The following DPP10 variants were observed in gnomAD, a reference collection of about 807,000 sequenced individuals.
DPP10 encodes the protein dipeptidyl peptidase like 10, also known as inactive dipeptidyl peptidase 10.
A neutral mutation model predicts 120.9 loss-of-function variants in DPP10; 33 were observed. The ratio of observed to expected loss-of-function variants is 0.27; its 90% CI spans 0.21 to 0.37. The LOEUF (loss-of-function observed/expected upper bound fraction) is 0.37. Ranked by LOEUF, DPP10 falls within the 10% of genes least tolerant of loss-of-function variation. The pLI is 1.00. For synonymous variants in DPP10, 337 were observed against 326.1 expected (o/e 1.03, Z -0.36); for missense variants, 816 against 942.8 (o/e 0.87, Z 1.76).
intron 1 of DPP10, among the ~76,000 whole-genome samples, chr2:115,147,550 A>G (rs148643490): frequency 6.6e-6 from 1 of 152,254 alleles, no homozygotes; most frequent in African/African-American, 2.4e-5. Flanking sequence ...TGCCTGATTC[A>G]CATTATACTT....
At chr2:114,890,571 A>T (rs909008972) in intron 1 of DPP10, among the ~76,000 whole-genome samples, 7 of 152,234 alleles carry the variant, frequency 4.6e-5, no homozygotes, top group African/African-American at 1.4e-4. Flanking sequence ...TTATAAAAAT[A>T]GACTAGAATT....
intron 1 of DPP10, among the ~76,000 whole-genome samples, chr2:114,840,776 A>G (rs1485090764): frequency 6.6e-6 from 1 of 152,174 alleles, no homozygotes; most frequent in African/African-American, 2.4e-5. Context: ...TAAGAGAGAT[A>G]CGTATTGTCA....
intron 1 of DPP10, among the ~76,000 whole-genome samples, chr2:114,866,790 T>G (rs1187533757): frequency 6.6e-6 from 1 of 152,230 alleles, no homozygotes; most frequent in East Asian, 1.9e-4. Flanking sequence ...AAGAATATGC[T>G]GTGCTTAAAG....
At chr2:115,806,080 C>A (rs1685932194) in intron 19 of DPP10, among the ~76,000 whole-genome samples, 1 of 152,024 alleles carries the variant, frequency 6.6e-6, no homozygotes, top group Admixed American at 6.6e-5. Context: ...AGAAAAAATT[C>A]TAGGGATAAA....
At chr2:115,071,619 G>A (rs553871423) in intron 1 of DPP10, among the ~76,000 whole-genome samples, 2 of 152,092 alleles carry the variant, frequency 1.3e-5, no homozygotes, top group Non-Finnish European at 2.9e-5. Context: ...TTTCCCTAGG[G>A]AGGAACTCAG....
intron 21 of DPP10, among the ~76,000 whole-genome samples, chr2:115,827,310 C>CGCATGT (rs1688424834): frequency 2.5e-5 from 1 of 39,906 alleles, no homozygotes; most frequent in South Asian, 1.1e-3. Context: ...CATATATATA[C>CGCATGT]ACATGTACAT....
chr2:115,837,355 G>A (rs1270838906), intron 24 of DPP10, among the ~76,000 whole-genome samples: 2 of 152,230 alleles, frequency 1.3e-5, no homozygotes, highest in South Asian at 2.1e-4. Context: ...AGGGACCAAA[G>A]AATCTATATT....
intron 1 of DPP10, among the ~76,000 whole-genome samples, chr2:115,149,478 C>T (rs1394156283): frequency 6.6e-6 from 1 of 152,106 alleles, no homozygotes; most frequent in Non-Finnish European, 1.5e-5. Flanking sequence ...CTGATGGATC[C>T]CAATGCACTG....
At chr2:115,603,553 T>C (rs2083484536) in intron 5 of DPP10, among the ~76,000 whole-genome samples, 1 of 30,622 alleles carries the variant, frequency 3.3e-5, no homozygotes, top group African/African-American at 1.1e-4. Flanking sequence ...GTGTTTTCGT[T>C]GTTGTTGTTT....
intron 17 of DPP10, among the ~76,000 whole-genome samples, chr2:115,786,546 A>G (rs1164831243): frequency 1.3e-5 from 2 of 152,204 alleles, no homozygotes; most frequent in Non-Finnish European, 2.9e-5. Context: ...TGGACAAAAT[A>G]TACAAATCAA....
At chr2:114,705,163 G>A (rs967763491) in intron 1 of DPP10, among the ~76,000 whole-genome samples, 4 of 152,162 alleles carry the variant, frequency 2.6e-5, no homozygotes, top group Non-Finnish European at 4.4e-5. Context: ...GAAGAAAATT[G>A]AAAGCCACAT....
chr2:115,231,902 A>G (rs2057752793), intron 1 of DPP10, among the ~76,000 whole-genome samples: 1 of 152,184 alleles, frequency 6.6e-6, no homozygotes, highest in Non-Finnish European at 1.5e-5. Context: ...AGTAATGAGC[A>G]CAAATTAGAA....
At chr2:115,291,707 A>G (rs1316428408) in intron 1 of DPP10, among the ~76,000 whole-genome samples, 1 of 152,156 alleles carries the variant, frequency 6.6e-6, no homozygotes, top group African/African-American at 2.4e-5. Context: ...TGGGAATTAT[A>G]TATCCATGAG....
At chr2:115,753,396 G>T in intron 11 of DPP10, 99 bp downstream of exon 11, 2 of 1,177,632 alleles carry the variant, frequency 1.7e-6, no homozygotes. Flanking sequence ...AAAATTCAGT[G>T]TTTAACTTTT....
chr2:115,816,246 A>G (rs1405856685), intron 21 of DPP10, among the ~76,000 whole-genome samples: 1 of 152,342 alleles, frequency 6.6e-6, no homozygotes, highest in East Asian at 1.9e-4. Flanking sequence ...GAAAACAAAG[A>G]AAAACTGATA....
intron 3 of DPP10, among the ~76,000 whole-genome samples, chr2:115,472,167 T>C (rs1396365779): frequency 6.6e-6 from 1 of 152,158 alleles, no homozygotes; most frequent in Non-Finnish European, 1.5e-5. Context: ...GTGTTTTAAA[T>C]CATTTACTCA....
At chr2:114,503,326 T>G (rs1459393313) in intron 1 of DPP10, among the ~76,000 whole-genome samples, 3 of 152,210 alleles carry the variant, frequency 2.0e-5, no homozygotes, top group African/African-American at 7.2e-5. Flanking sequence ...ACTGGAAAAG[T>G]GGCTTGATTT....
chr2:115,145,918 A>T (rs964214070), intron 1 of DPP10, among the ~76,000 whole-genome samples: 24 of 152,142 alleles, frequency 1.6e-4, no homozygotes, highest in Non-Finnish European at 5.9e-5. Context: ...GAGAATACCC[A>T]CAATTTTACA....
rs145632486 is a variant in DPP10, at chr2:114,798,434, T to G, written c.60+355596T>G. Among the ~76,000 whole-genome samples, 1,097 of 152,284 alleles carry G rather than the reference T, an allele frequency of 7.2e-3. 32 individuals are homozygous for G. The highest frequency in any genetic ancestry group is 0.056 in the East Asian group (292 of 5,178). ...TTAAAAGTTTATTAGAGAAGAAGAA[T>G]AAGAATTGGACTTGTAACTAAGGGG... On this transcript the variant is annotated intron_variant, in intron 1 of 25. Coordinates refer to ENST00000410059, the MANE Select transcript of DPP10 (RefSeq NM_020868.6).
Sources: gnomAD v4.1 joint callset for allele counts (sites outside exome capture counted in the v4.1 genomes callset) on GRCh38, gnomAD v4.1.1 for gene constraint, MANE v1.5 for transcripts, NCBI Gene and HGNC (gene_info 2026-07-23, HGNC 2026-07-21) for gene names.